The following ELFN2 variants were observed in gnomAD, a reference collection of about 807,000 sequenced individuals.
ELFN2 encodes the protein extracellular leucine rich repeat and fibronectin type III domain containing 2, also known as protein phosphatase 1 regulatory subunit 29.
ELFN2 carries 17 observed loss-of-function variants against 45.5 expected under a neutral mutation model. The ratio of observed to expected loss-of-function variants is 0.37; its 90% CI spans 0.26 to 0.56. The LOEUF (loss-of-function observed/expected upper bound fraction) is 0.56. Among genes scored for constraint, ELFN2 ranks in the 20% least tolerant of loss-of-function variants. The pLI, the probability that ELFN2 is intolerant of heterozygous loss-of-function variation, is 0.77. For missense variants in ELFN2, 922 were observed against 1,183.2 expected, an observed-to-expected ratio of 0.78 and a Z score of 3.24; for synonymous variants, 550 against 551.5, an observed-to-expected ratio of 1.00 and a Z score of 0.04.
In ELFN2 at chr22:37,373,971, G is replaced by A. The variant is rs1273781058; in HGVS notation, c.1564C>T (p.Pro522Ser). The A allele has an allele frequency of 1.2e-6, 2 of 1,612,938 alleles. No homozygotes were observed. Among genetic ancestry groups the A allele is most frequent in the African/African-American group, 2.7e-5 (2 of 74,938 alleles). The change falls in exon 3 of 3, where the codon CCG becomes TCG. Residue 522 changes from proline to serine, a missense_variant. By Grantham distance (74) the Pro-to-Ser change is moderately conservative. Coordinates refer to ENST00000402918, the MANE Select transcript of ELFN2 (RefSeq NM_052906.5). ...GAGCCCTGGCCGTTCTCGAGGTCCG[G>A]GAGGTCATCCTCGGGCCGAGCCAGA... ...DGLARPEDDL[P>S]DLENGQGSAA...
chr22:37,373,423 G>A lies in ELFN2; in HGVS notation c.2112C>T (p.His704=). ...GAAAGCTGTGCCGGTGCTCGCTGCAGTGGTAGGCCGGCTTCACCTCCAGGT... is the reference window on the plus strand; with the variant it reads ...GAAAGCTGTGCCGGTGCTCGCTGCAATGGTAGGCCGGCTTCACCTCCAGGT... The part of the protein sequence containing the change: ...IHHLEVKPAY[H]CSEHRHSFPA... Residue 704 remains histidine (H), a synonymous_variant, in exon 3 of 3, where the codon CAC becomes CAT. Coordinates refer to ENST00000402918, the MANE Select transcript of ELFN2 (RefSeq NM_052906.5). The A allele has an allele frequency of 1.3e-6, 2 of 1,567,040 alleles. No individual in the cohort carries two copies. The highest frequency in any genetic ancestry group is 1.7e-6 in the Non-Finnish European group (2 of 1,157,800).
At chr22:37,359,454 G>A (rs1405111926) in intron 1 of ELFN2, among the ~76,000 whole-genome samples, 1 of 152,170 alleles carries the variant, frequency 6.6e-6, no homozygotes, top group Non-Finnish European at 1.5e-5. Context: ...CCTCTATGGG[G>A]TCTATTTCTT....
chr22:37,359,874 G>A (rs1279102347), intron 1 of ELFN2, among the ~76,000 whole-genome samples: 2 of 152,214 alleles, frequency 1.3e-5, no homozygotes, highest in Non-Finnish European at 2.9e-5. Flanking sequence ...GCTACCCCAC[G>A]GGCAGTGTGC....
chr22:37,392,857 C>T (rs1932119111), intron 2 of ELFN2, among the ~76,000 whole-genome samples: 1 of 152,204 alleles, frequency 6.6e-6, no homozygotes, highest in African/African-American at 2.4e-5. Flanking sequence ...ATTCATATTT[C>T]CATCAGCAGC....
At chr22:37,401,755 A>C (rs1932368565) in intron 2 of ELFN2, among the ~76,000 whole-genome samples, 1 of 152,242 alleles carries the variant, frequency 6.6e-6, no homozygotes, top group Non-Finnish European at 1.5e-5. Flanking sequence ...CGAGGGGCAT[A>C]AATTTCTGCT....
At chr22:37,411,485 C>G (rs1405703771) in intron 2 of ELFN2, among the ~76,000 whole-genome samples, 1 of 152,182 alleles carries the variant, frequency 6.6e-6, no homozygotes, top group Admixed American at 6.5e-5. Flanking sequence ...GGTCTGTGTG[C>G]CCCCACAGAC....
At chr22:37,427,042 C>G (rs1333570479) in intron 1 of ELFN2, 1 of 152,614 alleles carries the variant, frequency 6.6e-6, no homozygotes, top group Non-Finnish European at 1.5e-5. Context: ...CGACCGTCCT[C>G]GGTGTCCTCC....
chr22:37,386,235 C>T (rs1159377509), intron 2 of ELFN2, among the ~76,000 whole-genome samples: 1 of 152,186 alleles, frequency 6.6e-6, no homozygotes, highest in Non-Finnish European at 1.5e-5. Context: ...ACCAGGAGAC[C>T]TGAGTTCCTG....
chr22:37,374,457 A>G lies in ELFN2; in HGVS notation c.1078T>C (p.Cys360Arg). The G allele has an allele frequency of 6.2e-7, 1 of 1,614,188 alleles. No homozygotes were observed. The highest frequency in any genetic ancestry group is 8.5e-7 in the Non-Finnish European group (1 of 1,180,036). The change falls in exon 3 of 3, where the codon TGC becomes CGC. Residue 360 changes from cysteine (C) to arginine (R), a missense_variant. Physicochemically the swap from Cys to Arg is radical, Grantham distance 180. Coordinates refer to ENST00000402918, the MANE Select transcript of ELFN2 (RefSeq NM_052906.5). Reference protein sequence around the residue: ...KLRAHTEYTFCVTSLRNSRRF... With the variant: ...KLRAHTEYTFRVTSLRNSRRF... ...CGGCTGTTGCGCAGCGAGGTCACGCAGAAGGTGTACTCAGTGTGCGCCCGC... is the reference window on the plus strand; with the variant it reads ...CGGCTGTTGCGCAGCGAGGTCACGCGGAAGGTGTACTCAGTGTGCGCCCGC...
At position 37,374,446 on chromosome 22, in the gene ELFN2, C is replaced by T. The variant is rs1931497889; in HGVS notation, c.1089G>A (p.Ser363=). Residue 363 remains serine, a synonymous_variant, in exon 3 of 3, where the codon TCG becomes TCA. Transcript: ENST00000402918. ...AHTEYTFCVT[S]LRNSRRFNHT... is the part of the protein sequence containing the mutation. ...GGTTGAAGCGGCGGCTGTTGCGCAG[C>T]GAGGTCACGCAGAAGGTGTACTCAG... is the stretch of plus-strand genomic sequence containing the variant. The T allele has an allele frequency of 1.9e-6, 3 of 1,614,028 alleles. No homozygotes were observed. Among genetic ancestry groups the T allele is most frequent in the South Asian group, 2.2e-5 (2 of 91,082 alleles).
chr22:37,385,464 A>G (rs1311377096), intron 2 of ELFN2, among the ~76,000 whole-genome samples: 1 of 152,140 alleles, frequency 6.6e-6, no homozygotes, highest in South Asian at 2.1e-4. Flanking sequence ...TATTTCAAAA[A>G]TCCTCATTTC....
In ELFN2 at chr22:37,344,881, G is replaced by A. The variant is rs147996454; in HGVS notation, n.149-2178C>T. 2.9e-3 allele frequency among the ~76,000 whole-genome samples: 447 copies of A among 152,216 alleles called. 1 individual carries two copies. Among genetic ancestry groups the A allele is most frequent in the African/African-American group, 0.01 (434 of 41,538 alleles). On this transcript the variant is annotated intron_variant and non_coding_transcript_variant, in intron 1 of 2. Transcript: ENST00000452946. ...GCTGAGGGGCGAGCTCCCCCAATGG[G>A]CATCATCATCCCATGCCGCCTCCAT...
chr22:37,415,767 C>T (rs1233053424), intron 2 of ELFN2, among the ~76,000 whole-genome samples: 1 of 152,148 alleles, frequency 6.6e-6, no homozygotes, highest in African/African-American at 2.4e-5. Context: ...TCAAAACCAT[C>T]CTGGCTAACA....
rs1177063311 is a variant in ELFN2, at chr22:37,355,603, G to A, written n.149-12900C>T. On this transcript the variant is annotated intron_variant and non_coding_transcript_variant, in intron 1 of 2. Coordinates refer to ENST00000452946, the Ensembl canonical transcript of ELFN2. ...TGTGGCCTTGTCTCCCCACCCAAAGGGCTCCCTTCCCAAGTGTTGCCAGGA... is the reference window on the plus strand; with the variant it reads ...TGTGGCCTTGTCTCCCCACCCAAAGAGCTCCCTTCCCAAGTGTTGCCAGGA... Among the ~76,000 whole-genome samples, 4 of 117,112 alleles carry A rather than the reference G, an allele frequency of 3.4e-5. No homozygotes were observed. In the East Asian group the frequency reaches 8.3e-4, roughly 24 times the overall value. 76.8% of individuals were successfully genotyped at this position (117,112 alleles called of 152,430 possible).
Position 37,375,358 on chromosome 22 carries a change from G to T in ELFN2, c.177C>A (p.Asp59Glu). ...IPQHINSTVH[D>E]LRLNENKLKA... ...TGAGCTTGTTCTCGTTGAGCCGCAG[G>T]TCGTGCACGGTGCTATTGATGTGCT... Residue 59 changes from aspartate to glutamate, a missense_variant, in exon 3 of 3, where the codon GAC becomes GAA. Around this residue, in one of 2 missense-constraint regions of ELFN2, gnomAD observed 358 missense variants for 540.4 expected, o/e 0.66. Transcript: ENST00000402918. 6.2e-7 allele frequency: 1 copy of T among 1,614,186 alleles called. No homozygotes were observed. Among genetic ancestry groups the T allele is most frequent in the Non-Finnish European group, 8.5e-7 (1 of 1,180,028 alleles).
chr22:37,380,788 T>C (rs191691528), intron 2 of ELFN2, among the ~76,000 whole-genome samples: 43 of 152,240 alleles, frequency 2.8e-4, no homozygotes, highest in African/African-American at 1.0e-3. Flanking sequence ...ACAGGAACTC[T>C]GCCCTCAGGG....
chr22:37,357,020 C>CTAGA (rs1399999800), intron 1 of ELFN2, among the ~76,000 whole-genome samples: 1 of 152,166 alleles, frequency 6.6e-6, no homozygotes, highest in Non-Finnish European at 1.5e-5. Context: ...GGACGGCAGT[C>CTAGA]TAGAGCTGGC....
At position 37,373,642 on chromosome 22, in the gene ELFN2, C is replaced by A; in HGVS notation, c.1893G>T (p.Val631=). ...DAAVTRKTCS[V]SSSGSIKSAK... is the part of the protein sequence containing the mutation. ...CGCTCTTGATGGAACCACTGGACGA[C>A]ACGCTGCAGGTCTTGCGGGTCACGG... The change falls in exon 3 of 3, where the codon GTG becomes GTT. Residue 631 remains valine (V), a synonymous_variant. Transcript: ENST00000402918. The A allele has an allele frequency of 6.3e-7, 1 of 1,594,814 alleles. No individual in the cohort carries two copies. The highest frequency in any genetic ancestry group is 8.5e-7 in the Non-Finnish European group (1 of 1,171,340).
chr22:37,398,452 T>C (rs1001202569), intron 2 of ELFN2, among the ~76,000 whole-genome samples: 11 of 152,104 alleles, frequency 7.2e-5, no homozygotes, highest in African/African-American at 2.7e-4. Context: ...CGCCCTGGGC[T>C]CCACCACCCC....
Sources: gnomAD v4.1 joint callset for allele counts (sites outside exome capture counted in the v4.1 genomes callset) on GRCh38, gnomAD v4.1.1 for gene constraint, gnomAD v4.1.1 regional missense constraint, MANE v1.5 for transcripts, NCBI Gene and HGNC (gene_info 2026-07-23, HGNC 2026-07-21) for gene names.